SGCZ: variants seen among roughly 807,000 people sequenced by gnomAD.
SGCZ encodes the protein sarcoglycan zeta, also known as zeta-sarcoglycan.
Under a neutral mutation model 41.3 loss-of-function variants are expected in SGCZ, and 40 were observed. The ratio of observed to expected loss-of-function variants is 0.97; its 90% CI spans 0.75 to 1.26. The LOEUF is 1.26. Ranked by LOEUF, SGCZ falls within the 50% of genes most tolerant of loss-of-function variation. The pLI, the probability that SGCZ is intolerant of heterozygous loss-of-function variation, is 0.00. For missense variants in SGCZ, 552 were observed against 369.8 expected, an observed-to-expected ratio of 1.49 and a Z score of -4.04; for synonymous variants, 206 against 137.5, an observed-to-expected ratio of 1.50 and a Z score of -3.49.
At chr8:14,445,634 T>G (rs78088046) in intron 2 of SGCZ, among the ~76,000 whole-genome samples, 1 of 152,144 alleles carries the variant, frequency 6.6e-6, no homozygotes, top group African/African-American at 2.4e-5. Context: ...CCATGCCACC[T>G]CATTATCCTT....
chr8:14,235,040 C>T (rs1475524091), intron 4 of SGCZ, among the ~76,000 whole-genome samples: 1 of 152,246 alleles, frequency 6.6e-6, no homozygotes, highest in African/African-American at 2.4e-5. Context: ...ATTCAATATA[C>T]AATTCCCTAC....
At chr8:14,116,358 G>A (rs1427106927) in intron 5 of SGCZ, among the ~76,000 whole-genome samples, 1 of 151,990 alleles carries the variant, frequency 6.6e-6, no homozygotes, top group East Asian at 1.9e-4. Flanking sequence ...CTTACCTCAA[G>A]ATATCTAAGA....
At chr8:14,734,825 A>G (rs1585218695) in intron 1 of SGCZ, among the ~76,000 whole-genome samples, 1 of 137,354 alleles carries the variant, frequency 7.3e-6, no homozygotes, top group Non-Finnish European at 1.5e-5. Flanking sequence ...TAAAAATTGT[A>G]TGTAGTGGGT....
intron 1 of SGCZ, among the ~76,000 whole-genome samples, chr8:14,995,651 A>G (rs182194731): frequency 6.6e-6 from 1 of 152,324 alleles, no homozygotes; most frequent in Admixed American, 6.5e-5. Flanking sequence ...GCGTGTCCTT[A>G]GAGAATGCTG....
intron 1 of SGCZ, among the ~76,000 whole-genome samples, chr8:14,564,701 T>C (rs987520023): frequency 1.3e-5 from 2 of 152,212 alleles, no homozygotes; most frequent in Non-Finnish European, 1.5e-5. Flanking sequence ...ATAGAATTTT[T>C]AAAACATAAT....
chr8:14,871,184 G>T (rs1490199631), intron 1 of SGCZ, among the ~76,000 whole-genome samples: 1 of 151,948 alleles, frequency 6.6e-6, no homozygotes. Flanking sequence ...TCCAGCCTGG[G>T]CAACAAGAGT....
intron 1 of SGCZ, among the ~76,000 whole-genome samples, chr8:15,072,674 C>CA (rs1805398373): frequency 6.6e-6 from 1 of 152,046 alleles, no homozygotes; most frequent in Non-Finnish European, 1.5e-5. Context: ...TAAGGAGTCA[C>CA]AATGGGAGTT....
chr8:14,327,723 A>G (rs1008899521), intron 2 of SGCZ, among the ~76,000 whole-genome samples: 1 of 152,194 alleles, frequency 6.6e-6, no homozygotes, highest in Non-Finnish European at 1.5e-5. Context: ...TTTCAGATAT[A>G]CCATCACATT....
chr8:14,103,907 A>C (rs1336593619), intron 6 of SGCZ, among the ~76,000 whole-genome samples: 1 of 152,170 alleles, frequency 6.6e-6, no homozygotes, highest in Non-Finnish European at 1.5e-5. Context: ...TCAAAATTTG[A>C]ATGTTAAAAT....
At chr8:15,130,603 T>C (rs1807861021) in intron 1 of SGCZ, among the ~76,000 whole-genome samples, 1 of 152,212 alleles carries the variant, frequency 6.6e-6, no homozygotes, top group Non-Finnish European at 1.5e-5. Flanking sequence ...TTCAGTTAAA[T>C]TATCACTCGT....
intron 1 of SGCZ, among the ~76,000 whole-genome samples, chr8:14,777,778 G>A (rs554346232): frequency 1.3e-5 from 2 of 152,066 alleles, no homozygotes; most frequent in Admixed American, 6.6e-5. Flanking sequence ...CAGAAAGAGA[G>A]AGATGGAGTA....
At chr8:14,811,765 G>A (rs904939597) in intron 1 of SGCZ, among the ~76,000 whole-genome samples, 1 of 151,850 alleles carries the variant, frequency 6.6e-6, no homozygotes, top group Admixed American at 6.6e-5. Context: ...AATGACACAT[G>A]AAGATATTCA....
chr8:14,777,995 C>T (rs1800466366), intron 1 of SGCZ, among the ~76,000 whole-genome samples: 1 of 151,970 alleles, frequency 6.6e-6, no homozygotes, highest in Non-Finnish European at 1.5e-5. Flanking sequence ...ATGATCTCAG[C>T]TCACTGTAAC....
intron 1 of SGCZ, among the ~76,000 whole-genome samples, chr8:14,833,516 A>G (rs562355708): frequency 1.2e-4 from 18 of 152,310 alleles, no homozygotes; most frequent in Admixed American, 8.5e-4. Flanking sequence ...GTGAACTGAC[A>G]TCCTTGCCTA....
chr8:14,388,865 G>C (rs1033551266), intron 2 of SGCZ, among the ~76,000 whole-genome samples: 12 of 151,494 alleles, frequency 7.9e-5, no homozygotes, highest in Non-Finnish European at 1.8e-4. Context: ...ATGAAGCACT[G>C]TGAAAGAGAT....
chr8:14,529,881 T>C (rs1224505919), intron 2 of SGCZ, among the ~76,000 whole-genome samples: 1 of 152,108 alleles, frequency 6.6e-6, no homozygotes, highest in Non-Finnish European at 1.5e-5. Flanking sequence ...TTGAAACACA[T>C]TTCTAAAATA....
At chr8:14,460,895 A>G (rs117236243) in intron 2 of SGCZ, among the ~76,000 whole-genome samples, 4,710 of 152,242 alleles carry the variant, frequency 0.031, 110 homozygotes, top group Non-Finnish European at 0.05. Context: ...GATAGCTGAT[A>G]CTTTCATTTG....
chr8:15,111,800 TGAGGCA>T (rs1216418234), intron 1 of SGCZ, among the ~76,000 whole-genome samples: 1 of 151,374 alleles, frequency 6.6e-6, no homozygotes, highest in Non-Finnish European at 1.5e-5. Context: ...CTTGGGAGGC[TGAGGCA>T]GAAGAACTGC....
rs865931421 is a variant in SGCZ at position 14,726,343 on chromosome 8, A to T, written c.40-171417T>A. On this transcript the variant is annotated intron_variant, in intron 1 of 7. Transcript: ENST00000382080. ...ATATATCTATATATATATATATATA[A>T]AATTAGATAGGATTTTAAAATTTCA... Among the ~76,000 whole-genome samples, 48 of 93,992 alleles carry T rather than the reference A, an allele frequency of 5.1e-4. 1 individual carries two copies. The highest frequency in any genetic ancestry group is 1.4e-3 in the South Asian group (4 of 2,764). 61.7% of individuals were successfully genotyped at this position (93,992 alleles called of 152,430 possible).
Sources: gnomAD v4.1 joint callset for allele counts (sites outside exome capture counted in the v4.1 genomes callset) on GRCh38, gnomAD v4.1.1 for gene constraint, MANE v1.5 for transcripts, NCBI Gene and HGNC (gene_info 2026-07-23, HGNC 2026-07-21) for gene names.